CNTN4: variants seen among roughly 807,000 people sequenced by gnomAD.
The protein encoded by CNTN4 is contactin 4.
A neutral mutation model predicts 122.5 loss-of-function variants in CNTN4; 77 were observed. That is an observed-to-expected ratio of 0.63 (90% CI 0.52 to 0.76). CNTN4 has a LOEUF of 0.76. CNTN4 is among the 30% of genes least tolerant of loss of function. The probability of loss-of-function intolerance (pLI) is 0.00; values close to 1 mark genes in which losing one functional copy is unlikely to be tolerated. For missense variants in CNTN4, 1,256 were observed against 1,259.1 expected (o/e 1.00, Z 0.04); for synonymous variants, 512 against 447.0 (o/e 1.15, Z -1.83).
intron 3 of CNTN4, among the ~76,000 whole-genome samples, chr3:2,376,626 G>A (rs1055609258): frequency 6.8e-6 from 1 of 146,448 alleles, no homozygotes; most frequent in African/African-American, 2.5e-5. Context: ...GGATTTCCCA[G>A]TTCTCAATTT....
intron 4 of CNTN4, among the ~76,000 whole-genome samples, chr3:2,659,778 G>A (rs948746098): frequency 6.6e-6 from 1 of 152,058 alleles, no homozygotes; most frequent in Admixed American, 6.6e-5. Flanking sequence ...ACAAATATTT[G>A]TTTGATTGTT....
In CNTN4 at chr3:2,590,251, C is replaced by T. The variant is rs1576124438; in HGVS notation, c.55+18693C>T. ...AACACAAATCTATCATATCACCTTT[C>T]TTCTTTTTTTGTTGTTTTGTTTTGA... is the stretch of plus-strand genomic sequence containing the variant. On this transcript the variant is annotated intron_variant, in intron 4 of 24. Transcript: ENST00000418658. Among the ~76,000 whole-genome samples, 16 of 152,222 alleles carry T rather than the reference C, an allele frequency of 1.1e-4. No homozygotes were observed. In the South Asian group the frequency reaches 3.3e-3, roughly 32 times the overall value.
At chr3:2,941,465 T>C (rs547566359) in intron 13 of CNTN4, among the ~76,000 whole-genome samples, 2 of 152,352 alleles carry the variant, frequency 1.3e-5, no homozygotes, top group Admixed American at 1.3e-4. Context: ...TAGTCAGTTA[T>C]ACACCACCTC....
rs1481174976 is a variant in CNTN4 at position 2,591,436 on chromosome 3, C to A, written c.55+19878C>A. Among the ~76,000 whole-genome samples the A allele has an allele frequency of 4.5e-5, 2 of 44,148 alleles. 1 individual carries two copies. The highest frequency in any genetic ancestry group is 1.0e-4 in the Non-Finnish European group (2 of 19,540). The allele number at this position is 44,148 out of a possible 152,430, so 29.0% of individuals were successfully genotyped here. A position where few individuals can be genotyped will look rare whatever the true frequency, so the allele number is the denominator to read the frequency against. The stretch of plus-strand genomic sequence containing the variant: ...CTGGAGTGCAGTGGCGGGATCTCGG[C>A]TCACTGCAAGCTCCGCCTCCCGGGT... On this transcript the variant is annotated intron_variant, in intron 4 of 24. Transcript: ENST00000418658.
At chr3:3,025,872 G>C (rs1015625903) in intron 14 of CNTN4, among the ~76,000 whole-genome samples, 2 of 152,132 alleles carry the variant, frequency 1.3e-5, no homozygotes, top group Admixed American at 1.3e-4. Context: ...GCTGAGTTCT[G>C]TTGCTCTGAG....
At chr3:2,515,162 G>GC (rs2077004465) in intron 3 of CNTN4, among the ~76,000 whole-genome samples, 1 of 152,072 alleles carries the variant, frequency 6.6e-6, no homozygotes, top group African/African-American at 2.4e-5. Flanking sequence ...ATACTGCTCT[G>GC]TTATATATTA....
At chr3:2,544,244 G>T (rs1335566359) in intron 3 of CNTN4, among the ~76,000 whole-genome samples, 1 of 152,034 alleles carries the variant, frequency 6.6e-6, no homozygotes, top group Non-Finnish European at 1.5e-5. Flanking sequence ...AAGTATTTTG[G>T]TAAATGATGG....
intron 12 of CNTN4, among the ~76,000 whole-genome samples, chr3:2,906,552 T>C (rs2094235114): frequency 2.0e-5 from 3 of 151,992 alleles, no homozygotes; most frequent in African/African-American, 7.2e-5. Context: ...AAAAGAAAGA[T>C]GGTGGCCGGG....
At chr3:2,818,727 G>A (rs566115004) in intron 6 of CNTN4, among the ~76,000 whole-genome samples, 1 of 151,872 alleles carries the variant, frequency 6.6e-6, no homozygotes, top group Non-Finnish European at 1.5e-5. Flanking sequence ...GTGATCTTTG[G>A]GTTTATAAAT....
At chr3:2,254,924 C>T (rs989078923) in intron 2 of CNTN4, among the ~76,000 whole-genome samples, 10 of 152,056 alleles carry the variant, frequency 6.6e-5, no homozygotes, top group African/African-American at 2.2e-4. Context: ...CTTTTGTTGC[C>T]GTTGGTTTTG....
chr3:2,569,166 A>G (rs1445395341), intron 3 of CNTN4, among the ~76,000 whole-genome samples: 1 of 151,880 alleles, frequency 6.6e-6, no homozygotes, highest in African/African-American at 2.4e-5. Context: ...TTTTGTCTTC[A>G]CAATATATTA....
At chr3:2,923,569 C>G (rs113539478) in intron 12 of CNTN4, among the ~76,000 whole-genome samples, 19 of 152,248 alleles carry the variant, frequency 1.2e-4, no homozygotes, top group African/African-American at 4.3e-4. Context: ...CCACATTCTT[C>G]CTGTTGGTGC....
At chr3:2,386,461 A>G (rs1023622012) in intron 3 of CNTN4, among the ~76,000 whole-genome samples, 1 of 152,234 alleles carries the variant, frequency 6.6e-6, no homozygotes, top group Non-Finnish European at 1.5e-5. Context: ...TAGAATGCCA[A>G]TAGCTGGGTT....
intron 3 of CNTN4, among the ~76,000 whole-genome samples, chr3:2,483,881 AT>A (rs2076074221): frequency 6.6e-6 from 1 of 152,204 alleles, no homozygotes; most frequent in African/African-American, 2.4e-5. Context: ...TACTGTCTAG[AT>A]GACTTTGGAT....
chr3:2,238,735 G>GTTT (rs66733341), intron 2 of CNTN4: 2 of 78,870 alleles, frequency 2.5e-5, no homozygotes, highest in Non-Finnish European at 4.9e-5. Context: ...TTGGCTCTGT[G>GTTT]TTTTTTTTTT....
intron 3 of CNTN4, among the ~76,000 whole-genome samples, chr3:2,386,692 G>A (rs1439228246): frequency 6.6e-6 from 1 of 152,066 alleles, no homozygotes; most frequent in Admixed American, 6.6e-5. Context: ...GATGGCTAAG[G>A]GCACATTTTC....
chr3:2,276,130 G>T (rs1445857762), intron 2 of CNTN4, among the ~76,000 whole-genome samples: 1 of 151,416 alleles, frequency 6.6e-6, no homozygotes, highest in Non-Finnish European at 1.5e-5. Flanking sequence ...AACATTATCT[G>T]CATTATAATT....
intron 3 of CNTN4, among the ~76,000 whole-genome samples, chr3:2,398,403 T>G (rs1043641337): frequency 6.6e-6 from 1 of 152,086 alleles, no homozygotes; most frequent in African/African-American, 2.4e-5. Flanking sequence ...TACTTGAAAT[T>G]TTTTCATGTT....
chr3:2,397,397 G>A (rs1019049591), intron 3 of CNTN4, among the ~76,000 whole-genome samples: 3 of 151,912 alleles, frequency 2.0e-5, no homozygotes, highest in African/African-American at 7.3e-5. Context: ...AATATGTAAT[G>A]TCATGTTATT....
Sources: allele counts gnomAD v4.1 joint callset (sites outside exome capture counted in the v4.1 genomes callset), GRCh38; gene constraint gnomAD v4.1.1; transcripts MANE v1.5; gene names NCBI Gene and HGNC (gene_info 2026-07-23, HGNC 2026-07-21).